Variants in NUDCD3 observed in about 807,000 individuals in gnomAD.
The protein encoded by NUDCD3 is NudC domain containing 3.
NUDCD3 carries 13 observed loss-of-function variants against 39.7 expected under a neutral mutation model. The ratio of observed to expected loss-of-function variants is 0.33; its 90% confidence interval spans 0.21 to 0.52. The LOEUF is 0.52. NUDCD3 is among the 20% of genes least tolerant of loss of function. The pLI is 0.96. For missense variants in NUDCD3, 453 were observed against 458.1 expected (o/e 0.99, Z 0.10); for synonymous variants, 175 against 172.4 (o/e 1.02, Z -0.12).
intron 4 of NUDCD3, 41 bp from the exon 5 acceptor site, chr7:44,392,526 G>A: frequency 6.3e-7 from 1 of 1,577,084 alleles, no homozygotes; most frequent in Non-Finnish European, 8.7e-7. Context: ...AGAGACCTGA[G>A]ACAGGTGTCC....
chr7:44,450,270 T>A (rs1233399628), intron 2 of NUDCD3, among the ~76,000 whole-genome samples: 1 of 151,708 alleles, frequency 6.6e-6, no homozygotes, highest in Non-Finnish European at 1.5e-5. Context: ...CTCTACCTCC[T>A]GGGGTCAAGA....
At chr7:44,422,239 A>C (rs1799153911) in intron 3 of NUDCD3, among the ~76,000 whole-genome samples, 1 of 152,210 alleles carries the variant, frequency 6.6e-6, no homozygotes, top group Non-Finnish European at 1.5e-5. Context: ...CTAGACAAGC[A>C]AGAGCAAACA....
chr7:44,455,536 C>T (rs1480440548), intron 2 of NUDCD3, among the ~76,000 whole-genome samples: 2 of 152,168 alleles, frequency 1.3e-5, no homozygotes, highest in Non-Finnish European at 2.9e-5. Context: ...ATCCTTCAGG[C>T]ATGTGTGTGA....
intron 2 of NUDCD3, among the ~76,000 whole-genome samples, chr7:44,444,729 T>C (rs2116926847): frequency 6.6e-6 from 1 of 152,310 alleles, no homozygotes; most frequent in East Asian, 1.9e-4. Context: ...AAGTATCACT[T>C]GGTCTCTTGG....
intron 2 of NUDCD3, among the ~76,000 whole-genome samples, chr7:44,439,595 T>C (rs999167598): frequency 8.8e-6 from 1 of 114,070 alleles, no homozygotes; most frequent in African/African-American, 3.3e-5. Context: ...AGGAAGTGCT[T>C]AAAAAAAAAA....
At chr7:44,482,468 A>G (rs1257138755) in intron 2 of NUDCD3, among the ~76,000 whole-genome samples, 2 of 152,250 alleles carry the variant, frequency 1.3e-5, no homozygotes, top group Non-Finnish European at 2.9e-5. Context: ...CTATAATCCC[A>G]GCACTTTGGT....
chr7:44,419,754 G>A (rs530732137), intron 3 of NUDCD3, among the ~76,000 whole-genome samples: 3 of 152,052 alleles, frequency 2.0e-5, no homozygotes, highest in East Asian at 1.9e-4. Context: ...TGCAGAAGAG[G>A]GGCCTGTTAG....
In NUDCD3 at chr7:44,450,936, A is replaced by G. The variant is rs373412317; in HGVS notation, c.510-23233T>C. 2.6e-4 allele frequency among the ~76,000 whole-genome samples: 39 copies of G among 152,320 alleles called. No homozygotes were observed. In the South Asian group the frequency reaches 4.4e-3, roughly 17 times the overall value. ...GATGAATAGACAAAAAATAAAAAAG[A>G]AATTGATTATTCATATACATAACAC... On this transcript the variant is annotated intron_variant, in intron 2 of 5. Coordinates refer to ENST00000355451, the MANE Select transcript of NUDCD3 (RefSeq NM_015332.4).
chr7:44,484,022 G>GCA (rs938785830), intron 2 of NUDCD3, among the ~76,000 whole-genome samples: 4 of 152,142 alleles, frequency 2.6e-5, no homozygotes, highest in Non-Finnish European at 4.4e-5. Context: ...TAAAAAGTGT[G>GCA]CACGCACACA....
intron 5 of NUDCD3, among the ~76,000 whole-genome samples, chr7:44,391,611 G>A (rs1798517473): frequency 6.6e-6 from 1 of 152,216 alleles, no homozygotes; most frequent in African/African-American, 2.4e-5. Context: ...GCGTCCGCGT[G>A]CCCTGCTGTA....
intron 3 of NUDCD3, among the ~76,000 whole-genome samples, chr7:44,406,530 A>C (rs1798823587): frequency 6.6e-6 from 1 of 152,210 alleles, no homozygotes; most frequent in South Asian, 2.1e-4. Flanking sequence ...CACAAGAACA[A>C]GCTCACTTAA....
chr7:44,397,703 G>C (rs1047270829), intron 4 of NUDCD3, among the ~76,000 whole-genome samples: 3 of 152,088 alleles, frequency 2.0e-5, no homozygotes, highest in African/African-American at 7.2e-5. Context: ...TCTGTACACA[G>C]CTCTCTCACT....
At chr7:44,404,706 A>G in intron 3 of NUDCD3, 123 bp from the exon 4 acceptor site, 1 of 959,356 alleles carries the variant, frequency 1.0e-6, no homozygotes, top group Non-Finnish European at 1.5e-6. Context: ...CATCAGGCTC[A>G]CCAGGCATCT....
intron 4 of NUDCD3, among the ~76,000 whole-genome samples, chr7:44,393,991 T>G (rs1422940894): frequency 6.6e-6 from 1 of 152,198 alleles, no homozygotes; most frequent in African/African-American, 2.4e-5. Flanking sequence ...AAGCTCCTGC[T>G]GCCAAAACCT....
Position 44,466,882 on chromosome 7 carries a change from G to A in NUDCD3, c.509+18086C>T, listed in dbSNP as rs568836710. ...AATCACTAGGTCACAAAGCCCCACC[G>A]GGTGAGGGAACGTGTGACCCACTCA... On this transcript the variant is annotated intron_variant, in intron 2 of 5. Transcript: ENST00000355451. 6.6e-5 allele frequency among the ~76,000 whole-genome samples: 10 copies of A among 152,308 alleles called. No individual in the cohort carries two copies. The East Asian group carries it at 1.7e-3, about 26-fold the overall frequency.
intron 4 of NUDCD3, among the ~76,000 whole-genome samples, chr7:44,401,441 C>A (rs1798724647): frequency 6.6e-6 from 1 of 152,196 alleles, no homozygotes; most frequent in South Asian, 2.1e-4. Context: ...GCAGTAGAGG[C>A]TACGTGGTCC....
In NUDCD3 at chr7:44,416,925, G is replaced by A. The variant is rs1799036415; in HGVS notation, c.642+10646C>T. On this transcript the variant is annotated intron_variant, in intron 3 of 5. Transcript: ENST00000355451. ...TGCACAGCGACTGCCTGCATGATAG[G>A]AGGACTGGGGGGGACAACTCACTAT... Among the ~76,000 whole-genome samples the A allele has an allele frequency of 3.3e-5, 5 of 152,258 alleles. No homozygotes were observed. The South Asian group carries it at 1.0e-3, about 32-fold the overall frequency.
intron 2 of NUDCD3, among the ~76,000 whole-genome samples, chr7:44,436,620 T>A (rs1799469188): frequency 6.6e-6 from 1 of 152,228 alleles, no homozygotes. Flanking sequence ...CAATTACATA[T>A]ATATAAAAAT....
intron 2 of NUDCD3, chr7:44,484,725 GCTCTGGATCTCAAAT>G: frequency 4.5e-6 from 2 of 441,276 alleles, no homozygotes; most frequent in Non-Finnish European, 8.0e-6. Context: ...TCTAATTTTG[GCTCTGGATCTCAAAT>G]GGTTGTATGA....
Sources: allele counts gnomAD v4.1 joint callset (sites outside exome capture counted in the v4.1 genomes callset), GRCh38; gene constraint gnomAD v4.1.1; transcripts MANE v1.5; gene names NCBI Gene and HGNC (gene_info 2026-07-23, HGNC 2026-07-21).